The following RBFOX1 variants were observed in gnomAD, a reference collection of about 807,000 sequenced individuals.
RBFOX1 encodes the protein RNA binding fox-1 homolog 1.
RBFOX1 carries 8 observed loss-of-function variants against 57.7 expected under a neutral mutation model. The observed-to-expected ratio is 0.14, with a 90% CI of 0.08 to 0.25. RBFOX1 has a LOEUF of 0.25. RBFOX1 is among the 10% of genes least tolerant of loss of function. The probability of loss-of-function intolerance (pLI) is 1.00; values close to 1 mark genes in which losing one functional copy is unlikely to be tolerated. For missense variants in RBFOX1, 611 were observed against 548.5 expected (o/e 1.11, Z -1.14); for synonymous variants, 326 against 222.4 (o/e 1.47, Z -4.15).
intron 4 of RBFOX1, among the ~76,000 whole-genome samples, chr16:7,110,001 T>G (rs1255732555): frequency 6.6e-6 from 1 of 152,018 alleles, no homozygotes; most frequent in Non-Finnish European, 1.5e-5. Flanking sequence ...AGCCTGATTA[T>G]CTTACAGGGA....
At chr16:5,374,385 T>A (rs1183863863) in intron 1 of RBFOX1, among the ~76,000 whole-genome samples, 1 of 152,144 alleles carries the variant, frequency 6.6e-6, no homozygotes, top group African/African-American at 2.4e-5. Flanking sequence ...CTGGAGGAGG[T>A]GGCCTTTGAG....
At chr16:6,950,354 G>C (rs541455367) in intron 3 of RBFOX1, among the ~76,000 whole-genome samples, 1 of 151,956 alleles carries the variant, frequency 6.6e-6, no homozygotes, top group Non-Finnish European at 1.5e-5. Context: ...ACAGTTACTT[G>C]TGTGGATCTC....
At chr16:6,911,776 C>G (rs1057058706) in intron 3 of RBFOX1, among the ~76,000 whole-genome samples, 5 of 152,112 alleles carry the variant, frequency 3.3e-5, no homozygotes, top group Admixed American at 6.5e-5. Context: ...AATTTTGTTT[C>G]CACTTATAGA....
intron 2 of RBFOX1, among the ~76,000 whole-genome samples, chr16:6,397,441 TA>T (rs35626058): frequency 0.23 from 33,727 of 149,708 alleles, 4,434 homozygotes; most frequent in Middle Eastern, 0.33. Flanking sequence ...TCTGTTTTCA[TA>T]AAAAAAAAAT....
rs566081583 is a variant in RBFOX1 at position 6,953,041 on chromosome 16, A to G, written c.-15-99016A>G. Among the ~76,000 whole-genome samples the G allele has an allele frequency of 5.9e-5, 9 of 152,314 alleles. No homozygotes were observed. In the South Asian group the frequency reaches 1.0e-3, roughly 18 times the overall value. Reference sequence around the variant, plus strand: ...CCTCACCTGGCAATGTATATTAAGCATTATTATTTCTATATTGCAGGTGGC... The same window carrying G: ...CCTCACCTGGCAATGTATATTAAGCGTTATTATTTCTATATTGCAGGTGGC... On this transcript the variant is annotated intron_variant, in intron 3 of 15. Transcript: ENST00000550418.
chr16:5,430,524 A>G (rs1001376551), intron 1 of RBFOX1, among the ~76,000 whole-genome samples: 1 of 152,154 alleles, frequency 6.6e-6, no homozygotes, highest in African/African-American at 2.4e-5. Context: ...CAGGAACGGA[A>G]GGAGCATCTT....
chr16:6,609,349 T>C (rs2098002594), intron 2 of RBFOX1, among the ~76,000 whole-genome samples: 2 of 152,156 alleles, frequency 1.3e-5, no homozygotes, highest in Non-Finnish European at 2.9e-5. Context: ...TTCTCTTTTT[T>C]ATTTTTATTT....
chr16:7,710,617 T>C lies in RBFOX1; in HGVS notation c.1072-6T>C. 1 of 1,611,200 alleles carries C rather than the reference T, an allele frequency of 6.2e-7. No homozygotes were observed. The highest frequency in any genetic ancestry group is 8.5e-7 in the Non-Finnish European group (1 of 1,179,302). On this transcript the variant is annotated splice_region_variant and splice_polypyrimidine_tract_variant and intron_variant, in intron 15 of 15. Coordinates refer to ENST00000550418, the MANE Select transcript of RBFOX1 (RefSeq NM_018723.4). ...AAAACACACCCCTCAAATTGCTTTG[T>C]TTCAGAATGCTTTTGCACCTTTGAC...
At chr16:6,508,965 T>G (rs1240815394) in intron 2 of RBFOX1, among the ~76,000 whole-genome samples, 2 of 152,238 alleles carry the variant, frequency 1.3e-5, no homozygotes, top group Non-Finnish European at 2.9e-5. Context: ...CAGTACTATG[T>G]GAATGTAAAG....
At chr16:7,241,075 C>A (rs28418544) in intron 4 of RBFOX1, among the ~76,000 whole-genome samples, 6,013 of 152,120 alleles carry the variant, frequency 0.04, 138 homozygotes, top group Middle Eastern at 0.061. Context: ...GTTTATTTAG[C>A]GCAGTTTTTA....
At chr16:7,015,076 T>A (rs182511621) in intron 3 of RBFOX1, among the ~76,000 whole-genome samples, 1 of 152,312 alleles carries the variant, frequency 6.6e-6, no homozygotes, top group East Asian at 1.9e-4. Flanking sequence ...TATCTTTTTC[T>A]TGCATTATGG....
At chr16:5,558,390 C>G (rs2045761134) in intron 2 of RBFOX1, among the ~76,000 whole-genome samples, 1 of 152,134 alleles carries the variant, frequency 6.6e-6, no homozygotes, top group South Asian at 2.1e-4. Flanking sequence ...ACCACCTACC[C>G]ATCTGCAAGT....
intron 3 of RBFOX1, among the ~76,000 whole-genome samples, chr16:6,944,333 T>G (rs1024577362): frequency 1.5e-4 from 22 of 149,380 alleles, no homozygotes; most frequent in African/African-American, 5.2e-4. Context: ...AGGCGGAGGT[T>G]GCAGTGTGCC....
At chr16:7,255,308 A>C (rs930545935) in intron 4 of RBFOX1, among the ~76,000 whole-genome samples, 4 of 152,248 alleles carry the variant, frequency 2.6e-5, no homozygotes, top group Admixed American at 2.6e-4. Flanking sequence ...ACTGCTGTGG[A>C]AACTTTGAGT....
At chr16:7,081,914 A>C (rs2059262595) in intron 4 of RBFOX1, among the ~76,000 whole-genome samples, 1 of 152,150 alleles carries the variant, frequency 6.6e-6, no homozygotes, top group Non-Finnish European at 1.5e-5. Context: ...GGGATAATGT[A>C]GTAGAAATTG....
At chr16:6,422,267 G>C (rs977269093) in intron 2 of RBFOX1, among the ~76,000 whole-genome samples, 1 of 151,080 alleles carries the variant, frequency 6.6e-6, no homozygotes, top group Admixed American at 6.6e-5. Context: ...TTAGATTCAG[G>C]GGTACATGTA....
intron 4 of RBFOX1, among the ~76,000 whole-genome samples, chr16:5,932,322 T>A (rs113946886): frequency 0.02 from 3,075 of 152,318 alleles, 118 homozygotes; most frequent in African/African-American, 0.07. Context: ...GCTGCCCTTG[T>A]CTGACAGCTG....
intron 4 of RBFOX1, among the ~76,000 whole-genome samples, chr16:5,942,649 G>A (rs536437296): frequency 6.6e-6 from 1 of 152,078 alleles, no homozygotes; most frequent in African/African-American, 2.4e-5. Flanking sequence ...TTTTGATAAG[G>A]TCTATTATGT....
intron 4 of RBFOX1, among the ~76,000 whole-genome samples, chr16:7,511,732 C>T (rs966437860): frequency 7.2e-5 from 11 of 152,098 alleles, no homozygotes; most frequent in African/African-American, 2.7e-4. Context: ...GACAGGTTTC[C>T]ATCATCCTGC....
Sources: gnomAD v4.1 joint callset for allele counts (sites outside exome capture counted in the v4.1 genomes callset) on GRCh38, gnomAD v4.1.1 for gene constraint, MANE v1.5 for transcripts, NCBI Gene and HGNC (gene_info 2026-07-23, HGNC 2026-07-21) for gene names.